Variants in ADAM29 observed in about 807,000 individuals in gnomAD.
ADAM29 encodes ADAM metallopeptidase domain 29.
For synonymous variants in ADAM29, 367 were observed against 342.3 expected (o/e 1.07, Z -0.80); for missense variants, 969 against 1,001.8 (o/e 0.97, Z 0.44).
In ADAM29 at chr4:174,936,956, A is replaced by G. The variant is rs954208060; in HGVS notation, c.-238A>G. On this transcript the variant is annotated 5_prime_UTR_variant, in exon 4 of 5. Transcript: ENST00000359240. ...AGAGAATGTGACTTTCCTGAACAAC[A>G]GGAGCAAGAATCAATGCCAGATTCT... 6.6e-6 allele frequency: 1 copy of G among 152,166 alleles called. No homozygotes were observed. Among genetic ancestry groups the G allele is most frequent in the Admixed American group, 6.5e-5 (1 of 15,278 alleles). 9.4% of individuals were successfully genotyped at this position (152,166 alleles called of 1,614,324 possible).
chr4:174,975,430 C>G lies in ADAM29; in HGVS notation c.-96C>G. On this transcript the variant is annotated 5_prime_UTR_variant, in exon 5 of 5. Transcript: ENST00000359240. ...ACACTGACCAACTCAGAAGAAGGAGCCACACCACCTGTGACTCCAGCCCTG... is the reference window on the plus strand; with the variant it reads ...ACACTGACCAACTCAGAAGAAGGAGGCACACCACCTGTGACTCCAGCCCTG... 4.0e-6 allele frequency: 5 copies of G among 1,254,872 alleles called. No homozygotes were observed. Among genetic ancestry groups the G allele is most frequent in the Non-Finnish European group, 5.4e-6 (5 of 930,446 alleles). 77.7% of individuals were successfully genotyped at this position (1,254,872 alleles called of 1,614,324 possible).
chr4:174,975,312 C>T, intron 4 of ADAM29, 34 bp from the exon 5 acceptor site: 1 of 400,142 alleles, frequency 2.5e-6, no homozygotes, highest in Non-Finnish European at 4.4e-6. Context: ...TTTCTGTACA[C>T]TCATCCACAT....
intron 2 of ADAM29, among the ~76,000 whole-genome samples, chr4:174,927,602 C>T (rs1743592828): frequency 6.6e-6 from 1 of 152,042 alleles, no homozygotes; most frequent in South Asian, 2.1e-4. Flanking sequence ...CTAAATATTC[C>T]TTGTTTGCAT....
intron 4 of ADAM29, among the ~76,000 whole-genome samples, chr4:174,942,409 C>T (rs1278476416): frequency 6.6e-6 from 1 of 152,226 alleles, no homozygotes; most frequent in Non-Finnish European, 1.5e-5. Context: ...CATTTCCATA[C>T]ATCATTTGAA....
Position 174,918,634 on chromosome 4 carries a change from C to G in ADAM29, c.-557+163C>G, listed in dbSNP as rs183039852. ...CCTCCAAATATCTGCCCAAACTTGC[C>G]CCATACCCTCTAAAACCAAGGCCTA... On this transcript the variant is annotated intron_variant, in intron 1 of 4. Transcript: ENST00000359240. 9.2e-5 allele frequency among the ~76,000 whole-genome samples: 14 copies of G among 151,992 alleles called. No individual in the cohort carries two copies. The East Asian group carries it at 2.7e-3, about 29-fold the overall frequency.
intron 2 of ADAM29, among the ~76,000 whole-genome samples, chr4:174,924,982 G>A (rs1743416430): frequency 6.6e-6 from 1 of 152,188 alleles, no homozygotes; most frequent in African/African-American, 2.4e-5. Flanking sequence ...GCCTTGATAT[G>A]ATAAAAGGCA....
chr4:174,933,911 A>G (rs1744054771), intron 3 of ADAM29, among the ~76,000 whole-genome samples: 1 of 152,060 alleles, frequency 6.6e-6, no homozygotes, highest in Non-Finnish European at 1.5e-5. Flanking sequence ...TGTCTCTACT[A>G]TTGTGAATAG....
At chr4:174,971,327 G>A (rs1746469340) in intron 4 of ADAM29, among the ~76,000 whole-genome samples, 1 of 152,018 alleles carries the variant, frequency 6.6e-6, no homozygotes, top group South Asian at 2.1e-4. Flanking sequence ...TTATGCTATG[G>A]TGTTGCTGTT....
chr4:174,963,133 A>G (rs1216107427), intron 4 of ADAM29, among the ~76,000 whole-genome samples: 3 of 152,182 alleles, frequency 2.0e-5, no homozygotes, highest in Admixed American at 1.3e-4. Flanking sequence ...ATGGGAAAAC[A>G]CATAATAAGG....
chr4:174,959,881 T>C (rs897909781), intron 4 of ADAM29, among the ~76,000 whole-genome samples: 2 of 152,012 alleles, frequency 1.3e-5, no homozygotes, highest in African/African-American at 2.4e-5. Flanking sequence ...CCTGAAGTAG[T>C]TGGTGTAAGA....
intron 4 of ADAM29, among the ~76,000 whole-genome samples, chr4:174,957,711 A>C (rs1471660544): frequency 6.6e-6 from 1 of 151,598 alleles, no homozygotes; most frequent in Non-Finnish European, 1.5e-5. Flanking sequence ...ATTTTCTTAC[A>C]CTCCTTATGA....
intron 2 of ADAM29, among the ~76,000 whole-genome samples, chr4:174,925,536 T>C (rs567412406): frequency 1.3e-5 from 2 of 152,344 alleles, no homozygotes; most frequent in South Asian, 4.1e-4. Flanking sequence ...AGGAAATATC[T>C]TACAATGTGA....
At chr4:174,926,828 A>G (rs986427218) in intron 2 of ADAM29, among the ~76,000 whole-genome samples, 3 of 151,624 alleles carry the variant, frequency 2.0e-5, no homozygotes, top group African/African-American at 4.9e-5. Context: ...AATGCTATCT[A>G]TATGGCTACC....
In ADAM29 at chr4:174,924,446, A is replaced by G. The variant is rs182510316; in HGVS notation, c.-451+3654A>G. Among the ~76,000 whole-genome samples the G allele has an allele frequency of 1.7e-3, 253 of 152,316 alleles. 1 individual carries two copies. Among genetic ancestry groups the G allele is most frequent in the Non-Finnish European group, 3.1e-3 (214 of 68,012 alleles). On this transcript the variant is annotated intron_variant, in intron 2 of 4. Coordinates refer to ENST00000359240, the MANE Select transcript of ADAM29 (RefSeq NM_014269.4). ...GATAGTCTTACCTCAACATCCAGAA[A>G]TTATACTCTTGAATATTAATGCAAC... is the stretch of plus-strand genomic sequence containing the variant.
At chr4:174,963,721 C>A (rs1745990462) in intron 4 of ADAM29, among the ~76,000 whole-genome samples, 1 of 152,146 alleles carries the variant, frequency 6.6e-6, no homozygotes, top group South Asian at 2.1e-4. Flanking sequence ...CTTGCTCTGT[C>A]ACCCAGGCTG....
chr4:174,968,771 CCACACACACACA>C (rs36211576), intron 4 of ADAM29, among the ~76,000 whole-genome samples: 57,731 of 148,678 alleles, frequency 0.39, 10,999 homozygotes, highest in East Asian at 0.44. Flanking sequence ...CACTTTCCGC[CCACACACACACA>C]CACACACACA....
chr4:174,933,704 A>G (rs1440950580), intron 3 of ADAM29, among the ~76,000 whole-genome samples: 2 of 152,146 alleles, frequency 1.3e-5, no homozygotes, highest in African/African-American at 2.4e-5. Context: ...TTAAGCTCCA[A>G]CTTATAATTG....
intron 4 of ADAM29, among the ~76,000 whole-genome samples, chr4:174,941,620 G>A (rs1235952859): frequency 6.6e-6 from 1 of 152,058 alleles, no homozygotes; most frequent in Non-Finnish European, 1.5e-5. Context: ...CATGGGAGAA[G>A]TTCACCCCCA....
rs1366988753 is a variant in ADAM29, at chr4:174,975,487, G to A, written c.-39G>A. ...GCTCTGGACCAGTGTTTCCATAACA[G>A]GGACTTCAAAATCACTGTGATTTGA... On this transcript the variant is annotated 5_prime_UTR_variant, in exon 5 of 5. Coordinates refer to ENST00000359240, the MANE Select transcript of ADAM29 (RefSeq NM_014269.4). 3.3e-6 allele frequency: 5 copies of A among 1,493,880 alleles called. No homozygotes were observed. The Admixed American group carries it at 1.2e-4, about 36-fold the overall frequency. 92.5% of individuals were successfully genotyped at this position (1,493,880 alleles called of 1,614,324 possible). A position where few individuals can be genotyped will look rare whatever the true frequency, so the allele number is the denominator to read the frequency against.
Sources: gnomAD v4.1 joint callset for allele counts (sites outside exome capture counted in the v4.1 genomes callset) on GRCh38, gnomAD v4.1.1 for gene constraint, MANE v1.5 for transcripts, NCBI Gene and HGNC (gene_info 2026-07-23, HGNC 2026-07-21) for gene names.